Variants in TMEM260 observed in about 807,000 individuals in gnomAD.
TMEM260 encodes protein O-mannosyl-transferase TMEM260.
A neutral mutation model predicts 88.9 loss-of-function variants in TMEM260; 82 were observed. The observed-to-expected ratio is 0.92, with a 90% confidence interval of 0.77 to 1.11. The LOEUF is 1.11. TMEM260 is among the 50% of genes least tolerant of loss of function. TMEM260 has a pLI of 0.00. For synonymous variants in TMEM260, 314 were observed against 309.3 expected (o/e 1.02, Z -0.16); for missense variants, 902 against 853.4 (o/e 1.06, Z -0.71).
intron 10 of TMEM260, among the ~76,000 whole-genome samples, chr14:56,620,083 C>T (rs1288573559): frequency 6.6e-6 from 1 of 152,002 alleles, no homozygotes; most frequent in African/African-American, 2.4e-5. Context: ...GGGAGCTAAA[C>T]GATGAGAACT....
upstream of TMEM260, chr14:56,579,713 C>T (rs1198251057): frequency 2.4e-6 from 1 of 411,682 alleles, no homozygotes; most frequent in Non-Finnish European, 4.2e-6. Context: ...CGGGAAAACT[C>T]GCAGGGCCTG....
At chr14:56,633,581 T>G (rs1160164781) in intron 13 of TMEM260, 1 of 154,572 alleles carries the variant, frequency 6.5e-6, no homozygotes, top group South Asian at 2.0e-4. Context: ...TTTTTTTTTT[T>G]CCTTAAGAAT....
At chr14:56,580,409 CCTT>C (rs1183047394) in intron 1 of TMEM260, among the ~76,000 whole-genome samples, 2 of 152,158 alleles carry the variant, frequency 1.3e-5, no homozygotes, top group Non-Finnish European at 2.9e-5. Context: ...TTCACGGTGT[CCTT>C]ATTATGTTTC....
chr14:56,660,678 T>C, the TMEM260 span, among the ~76,000 whole-genome samples: 1 of 152,196 alleles, frequency 6.6e-6, no homozygotes, highest in African/African-American at 2.4e-5. Context: ...GCAAAAGACA[T>C]AGCAGATCCT....
rs764328507 is a variant in TMEM260, at chr14:56,617,172, A to AT, written c.942-5dup. ...TAAATATTTTAGACATATTTTTATT[A>AT]TTTTTTGTAGGGACAGACAGAATCC... is the stretch of plus-strand genomic sequence containing the variant. On this transcript the variant is annotated splice_polypyrimidine_tract_variant and intron_variant, in intron 8 of 15. Transcript: ENST00000261556. 1.3e-5 allele frequency: 20 copies of AT among 1,499,992 alleles called. No homozygotes were observed. The South Asian group carries it at 1.8e-4, about 13-fold the overall frequency. 92.9% of individuals were successfully genotyped at this position (1,499,992 alleles called of 1,614,324 possible). A position where few individuals can be genotyped will look rare whatever the true frequency, so the allele number is the denominator to read the frequency against.
chr14:56,640,240 C>T (rs1231250996), intron 15 of TMEM260, among the ~76,000 whole-genome samples: 4 of 152,180 alleles, frequency 2.6e-5, no homozygotes, highest in Admixed American at 2.6e-4. Context: ...ATGGGAGGCA[C>T]CCTCCCAGTA....
chr14:56,581,044 G>T (rs556568157), intron 1 of TMEM260, among the ~76,000 whole-genome samples: 2 of 152,126 alleles, frequency 1.3e-5, no homozygotes, highest in East Asian at 3.9e-4. Flanking sequence ...ATGGGGCTGC[G>T]GTCTTCTCAA....
intron 3 of TMEM260, among the ~76,000 whole-genome samples, chr14:56,586,980 A>G (rs1040130407): frequency 3.3e-5 from 5 of 151,940 alleles, no homozygotes; most frequent in African/African-American, 1.2e-4. Flanking sequence ...AATATTTAAA[A>G]TAATGTTTCT....
At chr14:56,635,480 A>T (rs1200678456) in intron 14 of TMEM260, among the ~76,000 whole-genome samples, 3 of 152,178 alleles carry the variant, frequency 2.0e-5, no homozygotes, top group Admixed American at 6.5e-5. Context: ...GTTAAAGGAG[A>T]TTGAAATATT....
At chr14:56,611,135 T>A (rs1490173433) in intron 6 of TMEM260, among the ~76,000 whole-genome samples, 1 of 151,880 alleles carries the variant, frequency 6.6e-6, no homozygotes, top group Non-Finnish European at 1.5e-5. Flanking sequence ...CCCGGCTAAT[T>A]TTTTGTGTTT....
At chr14:56,590,682 T>G (rs1885798965) in intron 3 of TMEM260, among the ~76,000 whole-genome samples, 1 of 152,244 alleles carries the variant, frequency 6.6e-6, no homozygotes, top group Non-Finnish European at 1.5e-5. Flanking sequence ...GCAGATAGCT[T>G]GAAATATATA....
chr14:56,649,940 A>G, downstream of TMEM260: 1 of 334,500 alleles, frequency 3.0e-6, no homozygotes, highest in South Asian at 2.4e-5. Flanking sequence ...ATGAAAAACT[A>G]GTAAACTGAG....
At chr14:56,625,608 A>G in intron 12 of TMEM260, 78 bp downstream of exon 12, 2 of 1,188,376 alleles carry the variant, frequency 1.7e-6, no homozygotes. Context: ...GTTGTGCATC[A>G]TCCAAAAGAC....
At chr14:56,639,862 A>T (rs1386101899) in intron 15 of TMEM260, among the ~76,000 whole-genome samples, 1 of 152,228 alleles carries the variant, frequency 6.6e-6, no homozygotes, top group Non-Finnish European at 1.5e-5. Flanking sequence ...GGAGGGTCCT[A>T]TGCCCACAGA....
At chr14:56,653,946 T>C (rs1007701528), downstream of TMEM260, among the ~76,000 whole-genome samples, 4 of 152,076 alleles carry the variant, frequency 2.6e-5, no homozygotes, top group African/African-American at 4.8e-5. Flanking sequence ...CCTACTCCAG[T>C]CCCAATTACA....
In TMEM260 at chr14:56,644,852, T is replaced by G. The variant is rs191556300; in HGVS notation, c.1870-2391T>G. 4.4e-4 allele frequency among the ~76,000 whole-genome samples: 67 copies of G among 152,200 alleles called. No individual in the cohort carries two copies. In the Middle Eastern group the frequency reaches 0.01, roughly 23 times the overall value. On this transcript the variant is annotated intron_variant, in intron 15 of 15. Coordinates refer to ENST00000261556, the MANE Select transcript of TMEM260 (RefSeq NM_017799.4). ...TGGGTGAAGGATATAAACAGACACTTCTCAAAAGACATTTATGCAGCCAAA... is the reference window on the plus strand; with the variant it reads ...TGGGTGAAGGATATAAACAGACACTGCTCAAAAGACATTTATGCAGCCAAA...
the TMEM260 span, among the ~76,000 whole-genome samples, chr14:56,659,646 C>T: frequency 2.0e-5 from 3 of 152,192 alleles, no homozygotes; most frequent in Admixed American, 6.5e-5. Flanking sequence ...TTGAAGACAG[C>T]AGGATCTAGT....
At chr14:56,584,022 G>GTGTGTA (rs908551426) in intron 1 of TMEM260, among the ~76,000 whole-genome samples, 2 of 151,352 alleles carry the variant, frequency 1.3e-5, no homozygotes, top group African/African-American at 4.9e-5. Flanking sequence ...GTGTGTGTGT[G>GTGTGTA]TGTGTATGTG....
chr14:56,590,200 A>T (rs1433699729), intron 3 of TMEM260, among the ~76,000 whole-genome samples: 2 of 152,190 alleles, frequency 1.3e-5, no homozygotes, highest in African/African-American at 4.8e-5. Context: ...GTTCATTTGC[A>T]TTTTCTTATA....
Sources: gnomAD v4.1 joint callset for allele counts (sites outside exome capture counted in the v4.1 genomes callset) on GRCh38, gnomAD v4.1.1 for gene constraint, MANE v1.5 for transcripts, NCBI Gene and HGNC (gene_info 2026-07-23, HGNC 2026-07-21) for gene names.